The following KYAT1 variants were observed in gnomAD, a reference collection of about 807,000 sequenced individuals.
The protein encoded by KYAT1 is kynurenine--oxoglutarate transaminase 1.
A neutral mutation model predicts 52.4 loss-of-function variants in KYAT1; 47 were observed. The ratio of observed to expected loss-of-function variants is 0.90; its 90% CI spans 0.71 to 1.14. The LOEUF (loss-of-function observed/expected upper bound fraction) is 1.14, where lower values mean the gene tolerates loss of function less well. Ranked by LOEUF, KYAT1 falls within the 50% of genes most tolerant of loss-of-function variation. The pLI is 0.00. For synonymous variants in KYAT1, 212 were observed against 209.6 expected (o/e 1.01, Z -0.10); for missense variants, 480 against 557.9 (o/e 0.86, Z 1.41).
intron 1 of KYAT1, chr9:128,846,971 C>A: frequency 2.0e-6 from 2 of 1,007,446 alleles, no homozygotes; most frequent in Admixed American, 2.7e-5. Flanking sequence ...CAGATGAGGA[C>A]ACTGAGGCTT....
At chr9:128,840,554 G>A (rs1345388082) in intron 3 of KYAT1, 1 of 407,520 alleles carries the variant, frequency 2.5e-6, no homozygotes, top group African/African-American at 2.1e-5. Flanking sequence ...CCCAGCTTTT[G>A]TCTCTAGTTA....
intron 8 of KYAT1, 47 bp downstream of exon 8, chr9:128,835,950 C>T: frequency 1.2e-6 from 2 of 1,601,760 alleles, no homozygotes; most frequent in Non-Finnish European, 1.7e-6. Context: ...ACCTCACTTG[C>T]CAAGGATCTT....
At chr9:128,863,374 T>C (rs1224481124) in intron 1 of KYAT1, among the ~76,000 whole-genome samples, 1 of 151,866 alleles carries the variant, frequency 6.6e-6, no homozygotes. Context: ...GGCTCACACC[T>C]GTAATCCCAG....
At chr9:128,864,895 C>A (rs1392217827) in intron 1 of KYAT1, among the ~76,000 whole-genome samples, 1 of 151,866 alleles carries the variant, frequency 6.6e-6, no homozygotes, top group African/African-American at 2.4e-5. Flanking sequence ...AGGTGTGAGT[C>A]ACTGCTCCTG....
At chr9:128,854,450 T>C (rs1031881257) in intron 1 of KYAT1, among the ~76,000 whole-genome samples, 3 of 152,144 alleles carry the variant, frequency 2.0e-5, no homozygotes, top group African/African-American at 7.2e-5. Flanking sequence ...TTGCTCGTGT[T>C]TCACCAGGAG....
In KYAT1 at chr9:128,849,230, G is replaced by A. The variant is rs371856917; in HGVS notation, c.-6-3819C>T. 4.6e-5 allele frequency among the ~76,000 whole-genome samples: 7 copies of A among 151,036 alleles called. No individual in the cohort carries two copies. In the East Asian group the frequency reaches 7.9e-4, roughly 17 times the overall value. On this transcript the variant is annotated intron_variant, in intron 1 of 12. Coordinates refer to ENST00000302586, the MANE Select transcript of KYAT1 (RefSeq NM_004059.5). ...AGTTCGATACCAGCCTGGTCAACATGGTGAAACCCCATTTCTACGAAAAAT... is the reference window on the plus strand; with the variant it reads ...AGTTCGATACCAGCCTGGTCAACATAGTGAAACCCCATTTCTACGAAAAAT...
intron 1 of KYAT1, among the ~76,000 whole-genome samples, chr9:128,845,891 C>G (rs1242409236): frequency 1.3e-5 from 2 of 152,154 alleles, no homozygotes; most frequent in Non-Finnish European, 2.9e-5. Context: ...TCAGGCCTAT[C>G]TTATCAATGA....
In KYAT1 at chr9:128,852,271, C is replaced by T. The variant is rs149788526; in HGVS notation, c.-6-6860G>A. ...CATGGGTGCTCTCCAACCCGGGATGCCCTCTCTGGCCATGATCCCCAAAGA... is the reference window on the plus strand; with the variant it reads ...CATGGGTGCTCTCCAACCCGGGATGTCCTCTCTGGCCATGATCCCCAAAGA... On this transcript the variant is annotated intron_variant, in intron 1 of 12. Coordinates refer to ENST00000302586, the MANE Select transcript of KYAT1 (RefSeq NM_004059.5). Among the ~76,000 whole-genome samples the T allele has an allele frequency of 3.3e-3, 501 of 152,262 alleles. 2 individuals carry two copies. The highest frequency in any genetic ancestry group is 0.011 in the African/African-American group (462 of 41,552).
Position 128,833,268 on chromosome 9 carries a change from G to T in KYAT1, c.*316C>A. On this transcript the variant is annotated 3_prime_UTR_variant, in exon 13 of 13. Transcript: ENST00000302586. ...GCCATGCAGAGCTGGGATGTGATCG[G>T]TACATGGTGGAAGTCTACCGTCCGT... The T allele has an allele frequency of 4.0e-6, 2 of 500,776 alleles. No individual in the cohort carries two copies. The highest frequency in any genetic ancestry group is 4.7e-5 in the South Asian group (2 of 42,718). 31.0% of individuals were successfully genotyped at this position (500,776 alleles called of 1,614,324 possible). A position where few individuals can be genotyped will look rare whatever the true frequency, so the allele number is the denominator to read the frequency against.
In KYAT1 at chr9:128,833,595, C is replaced by T. The variant is rs1830473960; in HGVS notation, c.1258G>A (p.Val420Met). The T allele has an allele frequency of 6.2e-7, 1 of 1,614,204 alleles. No individual in the cohort carries two copies. Among genetic ancestry groups the T allele is most frequent in the East Asian group, 2.2e-5 (1 of 44,878 alleles). Residue 420 changes from valine to methionine, a missense_variant, in exon 13 of 13, where the codon GTG (valine) becomes ATG (methionine). By Grantham distance (21) the Val-to-Met change is conservative (BLOSUM62 1). Transcript: ENST00000302586. ...GCGTGACTTCAGGGCTAGAGTTCCA[C>T]CTTCCACTTCCGCAGCTTCTCGTCC... ...AMDEKLRKWK[V>M]EL
rs2118927851 is a variant in KYAT1 at position 128,835,822 on chromosome 9, G to A, written c.812C>T (p.Thr271Ile). The change falls in exon 9 of 13, where the codon ACC (threonine) becomes ATC (isoleucine). Residue 271 changes from threonine to isoleucine, a missense_variant. By Grantham distance (89) the Thr-to-Ile change is moderately conservative. Coordinates refer to ENST00000302586, the MANE Select transcript of KYAT1 (RefSeq NM_004059.5). The stretch of plus-strand genomic sequence containing the variant: ...GTGGAAGACGGAGTTCTGGTGCACG[G>A]TCCGCAGGTGCTTCATGATGTGATC... Reference protein sequence around the residue: ...GPDHIMKHLRTVHQNSVFHCP... With the variant: ...GPDHIMKHLRIVHQNSVFHCP... 6.2e-7 allele frequency: 1 copy of A among 1,613,980 alleles called. No homozygotes were observed. The highest frequency in any genetic ancestry group is 1.1e-5 in the South Asian group (1 of 91,022).
chr9:128,862,945 C>T (rs376173858), intron 1 of KYAT1, among the ~76,000 whole-genome samples: 2 of 152,162 alleles, frequency 1.3e-5, no homozygotes, highest in South Asian at 4.1e-4. Context: ...ATGCCTCAGC[C>T]TCCCGAGTGG....
chr9:128,839,822 C>T (rs1031001301), intron 3 of KYAT1, among the ~76,000 whole-genome samples: 8 of 152,096 alleles, frequency 5.3e-5, no homozygotes, highest in African/African-American at 7.2e-5. Flanking sequence ...GAGTATGAGG[C>T]GGGAGGGTTG....
chr9:128,857,784 A>C (rs534181572), intron 1 of KYAT1, among the ~76,000 whole-genome samples: 6 of 152,130 alleles, frequency 3.9e-5, no homozygotes, highest in Non-Finnish European at 7.4e-5. Flanking sequence ...TGCAGTGAGC[A>C]GAGATCACGC....
Position 128,837,784 on chromosome 9 carries a change from G to A in KYAT1, c.468C>T (p.Ser156=). The A allele has an allele frequency of 1.2e-6, 2 of 1,614,038 alleles. No individual in the cohort carries two copies. The highest frequency in any genetic ancestry group is 2.2e-5 in the East Asian group (1 of 44,878). ...PGPIQNGELG[S]SSNWQLDPME... ...TGGGGTCCAGCTGCCAGTTGCTGCT[G>A]GAACCCAGTTCTCCATTCTGGATGG... Residue 156 remains serine, a synonymous_variant, in exon 6 of 13, where the codon TCC becomes TCT. Coordinates refer to ENST00000302586, the MANE Select transcript of KYAT1 (RefSeq NM_004059.5).
intron 1 of KYAT1, among the ~76,000 whole-genome samples, chr9:128,870,506 G>A (rs1395602279): frequency 6.6e-6 from 1 of 152,132 alleles, no homozygotes; most frequent in Non-Finnish European, 1.5e-5. Flanking sequence ...GCATGGTGGT[G>A]TGTGCCTGTA....
chr9:128,859,315 C>T (rs141299030), intron 1 of KYAT1, among the ~76,000 whole-genome samples: 2 of 150,756 alleles, frequency 1.3e-5, no homozygotes, highest in African/African-American at 4.9e-5. Flanking sequence ...GAGCTGAGAT[C>T]GCGCCACTGC....
In KYAT1 at chr9:128,854,325, GAAC is replaced by G. The variant is rs1415317688; in HGVS notation, c.-6-8917_-6-8915del. Among the ~76,000 whole-genome samples, 3 of 152,240 alleles carry G rather than the reference GAAC, an allele frequency of 2.0e-5. No individual in the cohort carries two copies. The South Asian group carries it at 6.2e-4, about 32-fold the overall frequency. ...TAGAAATCAGACCGCTACTTCTGCA[GAAC>G]AACATTTTACTGGTAAAAAGAACAG... is the stretch of plus-strand genomic sequence containing the variant. On this transcript the variant is annotated intron_variant, in intron 1 of 12. Coordinates refer to ENST00000302586, the MANE Select transcript of KYAT1 (RefSeq NM_004059.5).
At position 128,875,469 on chromosome 9, in the gene KYAT1, C is replaced by T. The variant is rs191069624; in HGVS notation, c.-7+6428G>A. Among the ~76,000 whole-genome samples the T allele has an allele frequency of 6.6e-5, 10 of 151,710 alleles. No individual in the cohort carries two copies. In the East Asian group the frequency reaches 1.2e-3, roughly 18 times the overall value. On this transcript the variant is annotated intron_variant, in intron 1 of 12. Transcript: ENST00000302586. Reference sequence around the variant, plus strand: ...TCTCTACAAAAATACAAAAATTAGCCGGGTGTGGTGGTGGGCACCTGTAGT... The same window carrying T: ...TCTCTACAAAAATACAAAAATTAGCTGGGTGTGGTGGTGGGCACCTGTAGT...
Sources: allele counts gnomAD v4.1 joint callset (sites outside exome capture counted in the v4.1 genomes callset), GRCh38; gene constraint gnomAD v4.1.1; transcripts MANE v1.5; gene names NCBI Gene and HGNC (gene_info 2026-07-23, HGNC 2026-07-21).